The following KCNMB2 variants were observed in gnomAD, a reference collection of about 807,000 sequenced individuals.
KCNMB2 encodes the protein calcium-activated potassium channel subunit beta-2.
In KCNMB2, 9 loss-of-function variants were observed where a neutral mutation model predicts 24.5. The observed-to-expected ratio is 0.37, with a 90% CI of 0.22 to 0.64. The LOEUF (loss-of-function observed/expected upper bound fraction) is 0.64, where lower values mean the gene tolerates loss of function less well. Ranked by LOEUF, KCNMB2 falls within the 30% of genes least tolerant of loss-of-function variation. The probability of loss-of-function intolerance (pLI) is 0.63; values close to 1 mark genes in which losing one functional copy is unlikely to be tolerated. For missense variants in KCNMB2, 226 were observed against 284.3 expected (o/e 0.79, Z 1.47); for synonymous variants, 109 against 104.4 (o/e 1.04, Z -0.27).
At chr3:178,681,784 T>C (rs1487963003) in intron 1 of KCNMB2, among the ~76,000 whole-genome samples, 1 of 152,172 alleles carries the variant, frequency 6.6e-6, no homozygotes. Context: ...GTATTTTGTG[T>C]TTCTTTTTTC....
intron 4 of KCNMB2, among the ~76,000 whole-genome samples, chr3:178,831,095 A>T (rs922493946): frequency 3.6e-5 from 4 of 112,642 alleles, no homozygotes; most frequent in Non-Finnish European, 5.3e-5. Flanking sequence ...TTATATATGG[A>T]TCAAGTTTCT....
At chr3:178,757,374 CCAAGAGGA>C (rs1724125588) in intron 1 of KCNMB2, among the ~76,000 whole-genome samples, 3 of 23,052 alleles carry the variant, frequency 1.3e-4, no homozygotes, top group African/African-American at 6.5e-4. Context: ...ATATATATAT[CCAAGAGGA>C]TATATATATA....
intron 1 of KCNMB2, among the ~76,000 whole-genome samples, chr3:178,562,012 TTACTG>T (rs1716333436): frequency 6.6e-6 from 1 of 152,222 alleles, no homozygotes; most frequent in African/African-American, 2.4e-5. Context: ...TCACCAAGAC[TTACTG>T]TACTTACAAT....
intron 1 of KCNMB2, among the ~76,000 whole-genome samples, chr3:178,684,545 T>C (rs1721391080): frequency 6.6e-6 from 1 of 152,062 alleles, no homozygotes; most frequent in Non-Finnish European, 1.5e-5. Flanking sequence ...AATGGGTATG[T>C]GGCCAGGCGT....
At chr3:178,641,424 C>G (rs1719722370) in intron 1 of KCNMB2, among the ~76,000 whole-genome samples, 1 of 152,038 alleles carries the variant, frequency 6.6e-6, no homozygotes, top group African/African-American at 2.4e-5. Flanking sequence ...TTAAGTTTCA[C>G]TGGTGCAATT....
At chr3:178,679,254 A>G (rs1261019215) in intron 1 of KCNMB2, among the ~76,000 whole-genome samples, 1 of 151,930 alleles carries the variant, frequency 6.6e-6, no homozygotes, top group Non-Finnish European at 1.5e-5. Flanking sequence ...TTTTAGAGAT[A>G]GGCTCTTGGT....
intron 1 of KCNMB2, among the ~76,000 whole-genome samples, chr3:178,589,580 G>A (rs530124074): frequency 7.9e-5 from 12 of 152,254 alleles, no homozygotes; most frequent in Admixed American, 2.0e-4. Flanking sequence ...CTGGGCTGAA[G>A]CAATCCTCCA....
chr3:178,691,647 C>T (rs114465142), intron 1 of KCNMB2, among the ~76,000 whole-genome samples: 1,638 of 152,228 alleles, frequency 0.011, 9 homozygotes, highest in Non-Finnish European at 0.018. Context: ...GTTATTTATC[C>T]AGTCTATCAT....
intron 1 of KCNMB2, among the ~76,000 whole-genome samples, chr3:178,607,959 T>A (rs1432278996): frequency 1.3e-5 from 2 of 152,200 alleles, no homozygotes; most frequent in African/African-American, 4.8e-5. Context: ...AAAATTTTAA[T>A]GTTTAGGAGA....
chr3:178,735,087 T>C (rs1212665869), intron 1 of KCNMB2, among the ~76,000 whole-genome samples: 1 of 152,264 alleles, frequency 6.6e-6, no homozygotes, highest in East Asian at 1.9e-4. Context: ...TGCCCCAGCA[T>C]GTTGCCTTCT....
chr3:178,797,162 T>C (rs1194532024), intron 1 of KCNMB2, among the ~76,000 whole-genome samples: 1 of 152,120 alleles, frequency 6.6e-6, no homozygotes, highest in Non-Finnish European at 1.5e-5. Context: ...CCTAGATGCA[T>C]ACAATCCACT....
At chr3:178,829,280 T>C (rs1013470781) in intron 4 of KCNMB2, among the ~76,000 whole-genome samples, 1 of 152,146 alleles carries the variant, frequency 6.6e-6, no homozygotes, top group African/African-American at 2.4e-5. Context: ...CTCTAATCTT[T>C]CTTGTAAAAG....
intron 1 of KCNMB2, among the ~76,000 whole-genome samples, chr3:178,706,948 T>C (rs1175678309): frequency 6.6e-6 from 1 of 152,192 alleles, no homozygotes; most frequent in Non-Finnish European, 1.5e-5. Flanking sequence ...CCATGGCACA[T>C]GTATACCTAT....
intron 1 of KCNMB2, among the ~76,000 whole-genome samples, chr3:178,568,646 C>T (rs1716615362): frequency 6.6e-6 from 1 of 151,022 alleles, no homozygotes; most frequent in South Asian, 2.1e-4. Context: ...TACATCATAA[C>T]CAGCACTTTT....
At chr3:178,673,801 G>C (rs1720982842) in intron 1 of KCNMB2, among the ~76,000 whole-genome samples, 1 of 152,038 alleles carries the variant, frequency 6.6e-6, no homozygotes, top group Non-Finnish European at 1.5e-5. Flanking sequence ...GGCCCTTTAA[G>C]GTCTGCTTCT....
At chr3:178,721,382 T>A (rs1192585293) in intron 1 of KCNMB2, among the ~76,000 whole-genome samples, 1 of 152,198 alleles carries the variant, frequency 6.6e-6, no homozygotes, top group African/African-American at 2.4e-5. Flanking sequence ...CATTTGAAAT[T>A]TGCTCTTGTT....
chr3:178,664,130 C>A (rs1720633397), intron 1 of KCNMB2, among the ~76,000 whole-genome samples: 1 of 152,138 alleles, frequency 6.6e-6, no homozygotes, highest in Non-Finnish European at 1.5e-5. Flanking sequence ...CAGGAATGCT[C>A]ATCCTCATTC....
intron 1 of KCNMB2, among the ~76,000 whole-genome samples, chr3:178,599,923 G>C (rs564890203): frequency 6.6e-6 from 1 of 152,290 alleles, no homozygotes; most frequent in East Asian, 1.9e-4. Flanking sequence ...CCCAGCCCAG[G>C]CTGGAGTCAA....
At chr3:178,759,309 CCAAGAGGATATATATATATATATA>C (rs1711572087) in intron 1 of KCNMB2, among the ~76,000 whole-genome samples, 1 of 96,598 alleles carries the variant, frequency 1.0e-5, no homozygotes, top group Non-Finnish European at 2.0e-5. Flanking sequence ...ATATATATCT[CCAAGAGGATATATATATATATATA>C]TCTCCAAGAG....
Sources: gnomAD v4.1 joint callset for allele counts (sites outside exome capture counted in the v4.1 genomes callset) on GRCh38, gnomAD v4.1.1 for gene constraint, MANE v1.5 for transcripts, NCBI Gene and HGNC (gene_info 2026-07-23, HGNC 2026-07-21) for gene names.